The following TEX14 variants were observed in gnomAD, a reference collection of about 807,000 sequenced individuals.
TEX14 encodes the protein testis expressed 14, intercellular bridge forming factor.
A neutral mutation model predicts 178.6 loss-of-function variants in TEX14; 168 were observed. The observed-to-expected ratio is 0.94, with a 90% CI of 0.83 to 1.07. The LOEUF is 1.07. Among genes scored for constraint, TEX14 ranks in the 50% least tolerant of loss-of-function variants. The pLI is 0.00. For missense variants in TEX14, 1,730 were observed against 1,753.6 expected (o/e 0.99, Z 0.24); for synonymous variants, 626 against 634.1 (o/e 0.99, Z 0.19).
chr17:58,620,182 G>A (rs1381206400), intron 5 of TEX14, among the ~76,000 whole-genome samples: 1 of 152,216 alleles, frequency 6.6e-6, no homozygotes, highest in Admixed American at 6.5e-5. Context: ...CAGGGGCAGA[G>A]GCAGGAGATG....
At chr17:58,654,570 G>C (rs376054407) in intron 1 of TEX14, among the ~76,000 whole-genome samples, 1 of 147,800 alleles carries the variant, frequency 6.8e-6, no homozygotes, top group Non-Finnish European at 1.5e-5. Context: ...GTAGTGGCAC[G>C]ATCTCAGCTC....
intron 2 of TEX14, among the ~76,000 whole-genome samples, chr17:58,641,996 C>G (rs1333334508): frequency 1.3e-5 from 2 of 152,148 alleles, no homozygotes; most frequent in East Asian, 1.9e-4. Context: ...CCGAAGGGGT[C>G]TTCTTCAGAA....
chr17:58,597,499 T>A (rs2045317065), intron 14 of TEX14, among the ~76,000 whole-genome samples: 1 of 152,206 alleles, frequency 6.6e-6, no homozygotes, highest in Admixed American at 6.5e-5. Context: ...CTGCTTTTTA[T>A]CACCATGGGC....
chr17:58,674,310 T>C (rs1235211647), intron 1 of TEX14, among the ~76,000 whole-genome samples: 2 of 149,942 alleles, frequency 1.3e-5, no homozygotes, highest in African/African-American at 4.9e-5. Context: ...TTTGACAGAA[T>C]TGAGAACCAC....
In TEX14 at chr17:58,602,592, T is replaced by A; in HGVS notation, c.1337-2A>T. On this transcript the variant is annotated splice_acceptor_variant, in intron 11 of 31. Coordinates refer to ENST00000349033, the MANE Select transcript of TEX14 (RefSeq NM_031272.5). LOFTEE classifies it high-confidence loss of function. ...CTAAGCCCTTCCAGGGTATGTCATC[T>A]GTAAGGAAAAAGTCATACAAAAGAG... is the stretch of plus-strand genomic sequence containing the variant. 6.2e-7 allele frequency: 1 copy of A among 1,605,292 alleles called. No individual in the cohort carries two copies. Among genetic ancestry groups the A allele is most frequent in the Non-Finnish European group, 8.5e-7 (1 of 1,175,576 alleles).
chr17:58,658,968 T>C (rs2047027745), intron 1 of TEX14, among the ~76,000 whole-genome samples: 2 of 151,912 alleles, frequency 1.3e-5, no homozygotes, highest in Non-Finnish European at 2.9e-5. Flanking sequence ...GGCTTATTTT[T>C]CCACCCTTCC....
intron 3 of TEX14, among the ~76,000 whole-genome samples, 169 bp from the exon 4 acceptor site, chr17:58,623,181 TAC>T (rs34181308): frequency 0.044 from 6,383 of 145,540 alleles, 377 homozygotes; most frequent in African/African-American, 0.13. Context: ...GAACTTTCTG[TAC>T]ACACACACAC....
chr17:58,657,051 C>T (rs1241294468), intron 1 of TEX14, among the ~76,000 whole-genome samples: 1 of 151,894 alleles, frequency 6.6e-6, no homozygotes, highest in Non-Finnish European at 1.5e-5. Context: ...TCAAACAATC[C>T]TCCTGCCTCA....
chr17:58,631,084 A>T (rs2046275317), intron 2 of TEX14: 1 of 835,198 alleles, frequency 1.2e-6, no homozygotes, highest in Non-Finnish European at 1.4e-6. Flanking sequence ...GAAAATAAAT[A>T]AAAAAGGAAA....
chr17:58,576,667 G>T (rs1393146890), intron 21 of TEX14, among the ~76,000 whole-genome samples: 1 of 152,176 alleles, frequency 6.6e-6, no homozygotes, highest in East Asian at 1.9e-4. Context: ...AGCTATGCCT[G>T]CTTCCCTCCT....
intron 2 of TEX14, among the ~76,000 whole-genome samples, chr17:58,648,472 C>CAAGTGTG (rs1375379729): frequency 6.6e-6 from 1 of 152,170 alleles, no homozygotes; most frequent in Non-Finnish European, 1.5e-5. Context: ...CCAACTGGTG[C>CAAGTGTG]AAGTGTGACT....
chr17:58,671,865 T>C (rs528816130), intron 1 of TEX14, among the ~76,000 whole-genome samples: 5 of 152,150 alleles, frequency 3.3e-5, no homozygotes, highest in Non-Finnish European at 7.3e-5. Context: ...CTTTAGACTT[T>C]CCACGCCATT....
intron 2 of TEX14, among the ~76,000 whole-genome samples, chr17:58,636,761 A>C (rs1004681291): frequency 1.3e-5 from 2 of 152,050 alleles, no homozygotes; most frequent in Admixed American, 1.3e-4. Context: ...AAAATTACAC[A>C]AATTAGCGGG....
intron 2 of TEX14, among the ~76,000 whole-genome samples, chr17:58,637,627 G>T (rs1015590590): frequency 2.0e-5 from 3 of 152,194 alleles, no homozygotes; most frequent in Non-Finnish European, 2.9e-5. Flanking sequence ...GCCAGGGAGG[G>T]CATGGAATCA....
intron 1 of TEX14, chr17:58,660,913 T>A (rs915167993): frequency 2.3e-6 from 2 of 854,570 alleles, no homozygotes; most frequent in South Asian, 1.3e-5. Context: ...TAGAAGTGGA[T>A]GCCTCTCTTG....
chr17:58,687,347 C>G (rs954162970), intron 1 of TEX14, among the ~76,000 whole-genome samples: 15 of 152,140 alleles, frequency 9.9e-5, no homozygotes, highest in South Asian at 8.3e-4. Flanking sequence ...CCACTAGAGG[C>G]AAGGTACCCC....
intron 2 of TEX14, among the ~76,000 whole-genome samples, chr17:58,643,925 G>A (rs2046634731): frequency 1.5e-5 from 2 of 129,236 alleles, no homozygotes; most frequent in African/African-American, 5.9e-5. Flanking sequence ...TCATCTTACT[G>A]TTTTCTCTGT....
intron 13 of TEX14, 119 bp from the exon 14 acceptor site, chr17:58,599,785 C>A: frequency 1.3e-6 from 1 of 759,756 alleles, no homozygotes; most frequent in Non-Finnish European, 2.1e-6. Flanking sequence ...TTTTATTTTC[C>A]CACCCCCTTC....
chr17:58,596,214 A>G (rs2045277173), intron 14 of TEX14, among the ~76,000 whole-genome samples: 1 of 152,200 alleles, frequency 6.6e-6, no homozygotes, highest in Non-Finnish European at 1.5e-5. Flanking sequence ...GTGATTTCTA[A>G]CAGTTTTCTA....
Sources: gnomAD v4.1 joint callset for allele counts (sites outside exome capture counted in the v4.1 genomes callset) on GRCh38, gnomAD v4.1.1 for gene constraint, MANE v1.5 for transcripts, NCBI Gene and HGNC (gene_info 2026-07-23, HGNC 2026-07-21) for gene names.